The following TP73 variants were observed in gnomAD, a reference collection of about 807,000 sequenced individuals.
TP73 encodes tumor protein p73.
Under a neutral mutation model 62.5 loss-of-function variants are expected in TP73, and 25 were observed. The observed-to-expected ratio is 0.40, with a 90% CI of 0.29 to 0.56. The LOEUF (loss-of-function observed/expected upper bound fraction) is 0.56, where lower values mean the gene tolerates loss of function less well. TP73 is among the 20% of genes least tolerant of loss of function. The pLI is 0.46. For missense variants in TP73, 754 were observed against 913.3 expected (o/e 0.83, Z 2.25); for synonymous variants, 423 against 377.5 (o/e 1.12, Z -1.40).
rs777200762 is a variant in TP73 at position 3,725,018 on chromosome 1, C to CA, written c.732+1563dup. On this transcript the variant is annotated intron_variant, in intron 6 of 13. Coordinates refer to ENST00000378295, the MANE Select transcript of TP73 (RefSeq NM_005427.4). ...TGGGGGACAGAGAGAGACTCCGTCTCAAAAAAAAAAAAAAGAGTTTTGGTT... is the reference window on the plus strand; with the variant it reads ...TGGGGGACAGAGAGAGACTCCGTCTCAAAAAAAAAAAAAAAGAGTTTTGGTT... Among the ~76,000 whole-genome samples the CA allele has an allele frequency of 8.6e-3, 1,037 of 121,064 alleles. 8 individuals are homozygous for CA. The highest frequency in any genetic ancestry group is 0.017 in the African/African-American group (547 of 32,368). 79.4% of individuals were successfully genotyped at this position (121,064 alleles called of 152,430 possible). A position where few individuals can be genotyped will look rare whatever the true frequency, so the allele number is the denominator to read the frequency against.
chr1:3,679,278 A>G (rs1022412317), intron 1 of TP73, among the ~76,000 whole-genome samples: 12 of 152,216 alleles, frequency 7.9e-5, no homozygotes, highest in African/African-American at 2.9e-4. Context: ...AAGATCACAA[A>G]TCATGTTTTG....
chr1:3,653,129 G>C (rs1233908277), intron 1 of TP73, among the ~76,000 whole-genome samples: 3 of 152,244 alleles, frequency 2.0e-5, no homozygotes, highest in African/African-American at 7.2e-5. Context: ...CCAGGGCCAG[G>C]CCCCCCTCTG....
chr1:3,732,859 G>A lies in TP73; in HGVS notation c.1691G>A (p.Ser564Asn). ...ACCGCGCAGCAGCTGCTCCGCTCTA[G>A]CAACGCGGCCACCATCTCCATCGGC... Reference protein sequence around the residue: ...YSTAQQLLRSSNAATISIGGS... With the variant: ...YSTAQQLLRSNNAATISIGGS... The change falls in exon 14 of 14, where the codon AGC becomes AAC. Residue 564 changes from serine (S) to asparagine (N), a missense_variant. Around this residue, in one of 3 missense-constraint regions of TP73, gnomAD observed 458 missense variants for 528.7 expected, o/e 0.87. Transcript: ENST00000378295. 6.2e-7 allele frequency: 1 copy of A among 1,612,086 alleles called. No homozygotes were observed. The highest frequency in any genetic ancestry group is 1.7e-5 in the Admixed American group (1 of 59,976).
At chr1:3,668,048 C>A (rs1645160044) in intron 1 of TP73, among the ~76,000 whole-genome samples, 1 of 152,194 alleles carries the variant, frequency 6.6e-6, no homozygotes, top group Non-Finnish European at 1.5e-5. Flanking sequence ...CTCCTGTCAC[C>A]CACCCACCTT....
chr1:3,668,741 G>C (rs1645175895), intron 1 of TP73: 1 of 152,336 alleles, frequency 6.6e-6, no homozygotes, highest in Non-Finnish European at 1.5e-5. Context: ...CTGGGGACGG[G>C]TGGATGGGTT....
chr1:3,660,615 C>G (rs999810943), intron 1 of TP73, among the ~76,000 whole-genome samples: 1 of 152,184 alleles, frequency 6.6e-6, no homozygotes, highest in African/African-American at 2.4e-5. Context: ...GTGTAATGTA[C>G]CAGAATGCTG....
chr1:3,661,662 A>G (rs1269239678), intron 1 of TP73, among the ~76,000 whole-genome samples: 1 of 150,820 alleles, frequency 6.6e-6, no homozygotes, highest in Non-Finnish European at 1.5e-5. Context: ...GTGAGCTGAG[A>G]TCGCACCACT....
intron 10 of TP73, 144 bp from the exon 11 acceptor site, chr1:3,729,856 A>G (rs1382390416): frequency 8.2e-7 from 1 of 1,217,578 alleles, no homozygotes; most frequent in Admixed American, 2.7e-5. Context: ...ATGGTTGGGG[A>G]CAGGGAGGCT....
chr1:3,703,300 G>A (rs2124360851), intron 3 of TP73, among the ~76,000 whole-genome samples: 1 of 152,280 alleles, frequency 6.6e-6, no homozygotes, highest in East Asian at 1.9e-4. Context: ...GGGGAGGAGG[G>A]GGCTTCAGAG....
intron 3 of TP73, chr1:3,690,782 C>A (rs1320482282): frequency 1.3e-5 from 20 of 1,515,242 alleles, no homozygotes; most frequent in Non-Finnish European, 1.4e-5. Flanking sequence ...TGCGGAGCCT[C>A]TCCCGCTCGG....
intron 3 of TP73, among the ~76,000 whole-genome samples, chr1:3,703,321 C>T (rs556687981): frequency 2.6e-5 from 4 of 152,144 alleles, no homozygotes; most frequent in African/African-American, 4.8e-5. Flanking sequence ...GCCCCCACCC[C>T]GTGTCACTGA....
rs1454930496 is a variant in TP73 at position 3,701,690 on chromosome 1, G to A, written c.187-5859G>A. 6.6e-6 allele frequency among the ~76,000 whole-genome samples: 1 copy of A among 152,020 alleles called. No individual in the cohort carries two copies. The highest frequency in any genetic ancestry group is 2.4e-5 in the African/African-American group (1 of 41,376). On this transcript the variant is annotated intron_variant, in intron 3 of 13. Transcript: ENST00000378295. The surrounding 1 kb of genome is among the most constrained non-coding windows in gnomAD (Gnocchi z 4.7). Reference sequence around the variant, plus strand: ...CAGCTAATTTTTTTTTGTAGTTTTAGTAGAGACGGGGTTTCACCATATTGG... The same window carrying A: ...CAGCTAATTTTTTTTTGTAGTTTTAATAGAGACGGGGTTTCACCATATTGG...
At chr1:3,675,650 G>A (rs1645347616) in intron 1 of TP73, among the ~76,000 whole-genome samples, 2 of 152,270 alleles carry the variant, frequency 1.3e-5, no homozygotes, top group African/African-American at 4.8e-5. Flanking sequence ...TCCACCGAGG[G>A]GTGGGTAGGT....
intron 4 of TP73, among the ~76,000 whole-genome samples, chr1:3,717,761 T>C (rs1005520249): frequency 3.9e-5 from 6 of 152,078 alleles, no homozygotes; most frequent in African/African-American, 1.4e-4. Context: ...CAGGGCTCCC[T>C]TCCCTCCTGT....
chr1:3,707,644 C>T lies in TP73; in HGVS notation c.282C>T (p.Pro94=), dbSNP rs1337972408. The T allele has an allele frequency of 1.2e-6, 2 of 1,613,116 alleles. No homozygotes were observed. The highest frequency in any genetic ancestry group is 3.3e-5 in the Admixed American group (2 of 60,018). The change falls in exon 4 of 14, where the codon CCC becomes CCT. Residue 94 remains proline, a synonymous_variant. Transcript: ENST00000378295. The stretch of plus-strand genomic sequence containing the variant: ...CCCCAGAGCACGCCGCCAGCGTGCC[C>T]ACCCACTCGCCCTACGCACAACCCA... ...PYTPEHAASV[P]THSPYAQPSS...
chr1:3,718,984 C>T (rs1005952092), intron 4 of TP73, among the ~76,000 whole-genome samples: 2 of 152,138 alleles, frequency 1.3e-5, no homozygotes, highest in African/African-American at 4.8e-5. Flanking sequence ...GTCAGAGATG[C>T]AGGTGGAGAG....
rs1299956910 is a variant in TP73 at position 3,666,464 on chromosome 1, G to A, written c.-34+13823G>A. Among the ~76,000 whole-genome samples, 3 of 152,200 alleles carry A rather than the reference G, an allele frequency of 2.0e-5. No individual in the cohort carries two copies. The highest frequency in any genetic ancestry group is 4.1e-4 in the South Asian group (2 of 4,824). On this transcript the variant is annotated intron_variant, in intron 1 of 13. Coordinates refer to ENST00000378295, the MANE Select transcript of TP73 (RefSeq NM_005427.4). The surrounding 1 kb of genome is among the most constrained non-coding windows in gnomAD (Gnocchi z 6.4). ...ATTGACAGTTTCACTTCTGCGGCATGCCCTCAGGAACTCACTGATGCACAC... is the reference window on the plus strand; with the variant it reads ...ATTGACAGTTTCACTTCTGCGGCATACCCTCAGGAACTCACTGATGCACAC...
chr1:3,729,902 T>A, intron 10 of TP73, 98 bp from the exon 11 acceptor site: 2 of 1,445,360 alleles, frequency 1.4e-6, no homozygotes, highest in South Asian at 2.8e-5. Context: ...CATCAGAGGC[T>A]CCACCCATTC....
intron 1 of TP73, among the ~76,000 whole-genome samples, chr1:3,664,673 G>A (rs942207642): frequency 2.6e-5 from 4 of 152,202 alleles, no homozygotes; most frequent in South Asian, 2.1e-4. Flanking sequence ...TGTAGGGGAC[G>A]GGGAGCAGCC....
Sources: allele counts gnomAD v4.1 joint callset (sites outside exome capture counted in the v4.1 genomes callset), GRCh38; gene constraint gnomAD v4.1.1; regional missense constraint gnomAD v4.1.1; non-coding constraint Gnocchi (gnomAD v3.1); transcripts MANE v1.5; gene names NCBI Gene and HGNC (gene_info 2026-07-23, HGNC 2026-07-21).